The following ZNF469 variants were observed in gnomAD, a reference collection of about 807,000 sequenced individuals.
ZNF469 encodes the protein zinc finger protein 469.
A neutral mutation model predicts 1.0 loss-of-function variants in ZNF469; 1 was observed. That is an observed-to-expected ratio of 1.00 (90% CI 0.35 to 4.73). The LOEUF (loss-of-function observed/expected upper bound fraction) is 4.73. ZNF469 is among the 30% of genes most tolerant of loss of function. ZNF469 has a pLI of 0.16. For missense variants in ZNF469, 6,100 were observed against 5,356.3 expected, an observed-to-expected ratio of 1.14 and a Z score of -4.33; for synonymous variants, 2,703 against 2,363.4, an observed-to-expected ratio of 1.14 and a Z score of -4.17.
At chr16:88,321,144 T>C in the ZNF469 span, among the ~76,000 whole-genome samples, 6 of 152,236 alleles carry the variant, frequency 3.9e-5, no homozygotes, top group African/African-American at 1.2e-4. Flanking sequence ...ACCAAGCTCC[T>C]CCTGTCCAGG....
chr16:88,270,343 G>A, the ZNF469 span, among the ~76,000 whole-genome samples: 2 of 152,166 alleles, frequency 1.3e-5, no homozygotes, highest in East Asian at 1.9e-4. Flanking sequence ...AAACCAGCTG[G>A]GCCTTTCAGC....
the ZNF469 span, among the ~76,000 whole-genome samples, chr16:88,220,675 C>G: frequency 1.3e-5 from 2 of 152,102 alleles, no homozygotes; most frequent in Non-Finnish European, 1.5e-5. Flanking sequence ...GTCGCACTGT[C>G]CAGGTCATGT....
Position 88,430,379 on chromosome 16 carries a change from G to T in ZNF469, c.2909G>T (p.Gly970Val). ...SGGAAEGSGS[G>V]GGGRASGLRP... is the part of the protein sequence containing the mutation. ...GGCGCAGCAGAGGGGTCGGGGTCGG[G>T]CGGCGGCGGCAGAGCCTCCGGCCTG... is the stretch of plus-strand genomic sequence containing the variant. The change falls in exon 3 of 3, where the codon GGC (glycine) becomes GTC (valine). Residue 970 changes from glycine (G) to valine (V), a missense_variant. By Grantham distance (109) the Gly-to-Val change is moderately radical. Coordinates refer to ENST00000565624, the MANE Select transcript of ZNF469 (RefSeq NM_001367624.2). The T allele has an allele frequency of 6.6e-7, 1 of 1,511,864 alleles. No homozygotes were observed. The highest frequency in any genetic ancestry group is 8.8e-7 in the Non-Finnish European group (1 of 1,132,408). The allele number at this position is 1,511,864 out of a possible 1,614,324, so 93.7% of individuals were successfully genotyped here.
the ZNF469 span, among the ~76,000 whole-genome samples, chr16:88,250,973 G>A: frequency 6.6e-6 from 1 of 152,186 alleles, no homozygotes; most frequent in Non-Finnish European, 1.5e-5. Context: ...TGCCTCCCGG[G>A]TTCAAGCGAT....
the ZNF469 span, among the ~76,000 whole-genome samples, chr16:88,342,275 G>T: frequency 1.2e-4 from 18 of 152,106 alleles, no homozygotes; most frequent in African/African-American, 4.3e-4. Context: ...TCCAGGCTGG[G>T]ACTTGAGTCT....
At chr16:88,412,978 A>T (rs1905214339) in intron 1 of ZNF469, among the ~76,000 whole-genome samples, 1 of 151,848 alleles carries the variant, frequency 6.6e-6, no homozygotes, top group South Asian at 2.1e-4. Context: ...TGGGCATGGG[A>T]GCCCTGCGAC....
At chr16:88,140,433 A>G in the ZNF469 span, among the ~76,000 whole-genome samples, 6 of 148,334 alleles carry the variant, frequency 4.0e-5, no homozygotes, top group Non-Finnish European at 3.0e-5. Flanking sequence ...GCACGGAGGA[A>G]AGGAGGACGG....
At chr16:88,220,284 T>C in the ZNF469 span, among the ~76,000 whole-genome samples, 2 of 152,114 alleles carry the variant, frequency 1.3e-5, no homozygotes, top group Admixed American at 6.5e-5. Flanking sequence ...TTCAGCGAGA[T>C]TGGAAGATAC....
At chr16:88,137,564 AT>A in the ZNF469 span, among the ~76,000 whole-genome samples, 32 of 152,338 alleles carry the variant, frequency 2.1e-4, no homozygotes, top group South Asian at 4.1e-3. Flanking sequence ...ACCGCCATGC[AT>A]GTATACAGCT....
At chr16:88,257,679 T>C in the ZNF469 span, among the ~76,000 whole-genome samples, 11 of 152,198 alleles carry the variant, frequency 7.2e-5, no homozygotes, top group Non-Finnish European at 1.6e-4. Context: ...TTTTGAGTTA[T>C]TTCTTTGTGA....
chr16:88,262,395 G>A, the ZNF469 span, among the ~76,000 whole-genome samples: 2 of 152,294 alleles, frequency 1.3e-5, no homozygotes, highest in East Asian at 1.9e-4. The surrounding 1 kb of genome is among the most constrained non-coding windows in gnomAD (Gnocchi z 4.3). Context: ...GGGCCATTTG[G>A]GGCAGTGGCT....
intron 1 of ZNF469, among the ~76,000 whole-genome samples, chr16:88,389,064 C>T (rs190674282): frequency 6.6e-6 from 1 of 152,358 alleles, no homozygotes; most frequent in East Asian, 1.9e-4. Flanking sequence ...GTGTGCGCTT[C>T]AGTGGCTTTC....
chr16:88,324,812 G>T, the ZNF469 span, among the ~76,000 whole-genome samples: 3 of 152,158 alleles, frequency 2.0e-5, no homozygotes, highest in African/African-American at 7.2e-5. Flanking sequence ...GGGCAGAGGG[G>T]GCAGCTGGAG....
At chr16:88,186,222 G>C in the ZNF469 span, among the ~76,000 whole-genome samples, 1 of 152,236 alleles carries the variant, frequency 6.6e-6, no homozygotes, top group Non-Finnish European at 1.5e-5. Flanking sequence ...AGTTTCCAAA[G>C]CCAGTCCTTC....
At chr16:88,208,288 G>T in the ZNF469 span, among the ~76,000 whole-genome samples, 1 of 151,540 alleles carries the variant, frequency 6.6e-6, no homozygotes, top group Non-Finnish European at 1.5e-5. Flanking sequence ...TCCCTGTTGC[G>T]TGCTGCAATC....
chr16:88,117,243 G>A, the ZNF469 span, among the ~76,000 whole-genome samples: 15 of 151,238 alleles, frequency 9.9e-5, no homozygotes, highest in East Asian at 7.8e-4. Context: ...AGCTGGGGAC[G>A]TGTGAGAGCC....
chr16:88,425,812 T>A lies in ZNF469; in HGVS notation c.-127+941T>A, dbSNP rs144530611. 3.0e-3 allele frequency among the ~76,000 whole-genome samples: 449 copies of A among 152,106 alleles called. 3 individuals are homozygous for A. The highest frequency in any genetic ancestry group is 0.01 in the African/African-American group (425 of 41,480). On this transcript the variant is annotated intron_variant, in intron 2 of 2. Transcript: ENST00000565624. ...GGTCATGGGACAGGAGGTACCTCAG[T>A]GGTGGGGGCAGAGGAGGAAGGGGCA...
At chr16:88,297,875 C>T in the ZNF469 span, among the ~76,000 whole-genome samples, 8 of 152,298 alleles carry the variant, frequency 5.3e-5, no homozygotes, top group East Asian at 1.5e-3. Context: ...TTATTGAGGG[C>T]ACTACAGGTG....
the ZNF469 span, among the ~76,000 whole-genome samples, chr16:88,254,621 G>T: frequency 6.6e-6 from 1 of 152,204 alleles, no homozygotes; most frequent in Non-Finnish European, 1.5e-5. Context: ...AGCCGGGCGT[G>T]GTGGCACATG....
Sources: allele counts gnomAD v4.1 joint callset (sites outside exome capture counted in the v4.1 genomes callset), GRCh38; gene constraint gnomAD v4.1.1; non-coding constraint Gnocchi (gnomAD v3.1); transcripts MANE v1.5; gene names NCBI Gene and HGNC (gene_info 2026-07-23, HGNC 2026-07-21).